The following MAEL variants were observed in gnomAD, a reference collection of about 807,000 sequenced individuals.
The protein encoded by MAEL is maelstrom spermatogenic transposon silencer.
In MAEL, 46 loss-of-function variants were observed where a neutral mutation model predicts 62.0. The ratio of observed to expected loss-of-function variants is 0.74; its 90% CI spans 0.59 to 0.95. The LOEUF (loss-of-function observed/expected upper bound fraction) is 0.95. Among genes scored for constraint, MAEL ranks in the 40% least tolerant of loss-of-function variants. The pLI is 0.00. For missense variants in MAEL, 497 were observed against 526.8 expected, an observed-to-expected ratio of 0.94 and a Z score of 0.55; for synonymous variants, 172 against 175.5, an observed-to-expected ratio of 0.98 and a Z score of 0.16.
intron 5 of MAEL, among the ~76,000 whole-genome samples, chr1:167,001,505 T>C (rs56321827): frequency 0.08 from 12,194 of 152,288 alleles, 1,137 homozygotes; most frequent in African/African-American, 0.23. Context: ...AGCAATAAAA[T>C]ATTTTTATAT....
chr1:166,992,894 A>T (rs529859793), intron 4 of MAEL, 53 bp downstream of exon 4: 71 of 1,295,736 alleles, frequency 5.5e-5, no homozygotes, highest in East Asian at 1.3e-4. Flanking sequence ...TTTTTTTTTT[A>T]AATCTTGACT....
intron 10 of MAEL, among the ~76,000 whole-genome samples, 164 bp downstream of exon 10, chr1:167,018,123 T>A (rs577860954): frequency 1.3e-5 from 2 of 152,288 alleles, no homozygotes; most frequent in East Asian, 3.9e-4. Flanking sequence ...AATCCAGTTG[T>A]GTCTTGTGTA....
intron 1 of MAEL, among the ~76,000 whole-genome samples, chr1:166,980,017 C>A (rs957363721): frequency 6.6e-6 from 1 of 151,778 alleles, no homozygotes; most frequent in Non-Finnish European, 1.5e-5. Context: ...TTATAATTGT[C>A]TTTCTTTCTT....
chr1:167,010,712 T>G (rs906588448), intron 8 of MAEL, among the ~76,000 whole-genome samples: 27 of 152,244 alleles, frequency 1.8e-4, no homozygotes, highest in African/African-American at 6.0e-4. Context: ...CCTTCCAAAT[T>G]GCTGGGATTA....
In MAEL at chr1:166,989,319, T is replaced by A. The variant is rs766093776; in HGVS notation, c.-34T>A. On this transcript the variant is annotated 5_prime_UTR_variant, in exon 1 of 12. Transcript: ENST00000367872. ...CCCGGCGAGGGCGCCGGTGCTTTGTTCTGTCTGAGGCCAGGAAGTTTGACC... is the reference window on the plus strand; with the variant it reads ...CCCGGCGAGGGCGCCGGTGCTTTGTACTGTCTGAGGCCAGGAAGTTTGACC... 6.2e-7 allele frequency: 1 copy of A among 1,600,036 alleles called. No individual in the cohort carries two copies. Among genetic ancestry groups the A allele is most frequent in the Non-Finnish European group, 8.5e-7 (1 of 1,173,152 alleles).
intron 10 of MAEL, 121 bp downstream of exon 10, chr1:167,018,080 T>C: frequency 1.1e-6 from 1 of 871,836 alleles, no homozygotes; most frequent in Non-Finnish European, 1.7e-6. Context: ...AAACATTATT[T>C]TGAAGTACTT....
intron 1 of MAEL, among the ~76,000 whole-genome samples, chr1:166,979,801 TG>T (rs1557966801): frequency 6.6e-6 from 1 of 152,164 alleles, no homozygotes; most frequent in East Asian, 1.9e-4. Flanking sequence ...TGCTCAACAG[TG>T]GGGGCAGCCC....
chr1:167,006,913 T>C (rs982819351), intron 8 of MAEL, among the ~76,000 whole-genome samples: 3 of 151,770 alleles, frequency 2.0e-5, no homozygotes, highest in African/African-American at 7.3e-5. Flanking sequence ...TGGGATTACA[T>C]GCGTGAGCCA....
intron 5 of MAEL, 56 bp downstream of exon 5, chr1:166,994,125 A>G: frequency 2.8e-6 from 4 of 1,437,836 alleles, no homozygotes; most frequent in Non-Finnish European, 3.8e-6. Context: ...ATACCTGGTT[A>G]GACTTATTCC....
chr1:167,021,767 A>G lies in MAEL; in HGVS notation c.1217A>G (p.Asn406Ser). The G allele has an allele frequency of 1.2e-6, 2 of 1,613,286 alleles. No individual in the cohort carries two copies. The highest frequency in any genetic ancestry group is 2.2e-5 in the South Asian group (2 of 91,032). ...GAGAGCATTTCCAATTCTTCCAGCA[A>G]TATCCACAAATTCTCCAACTGTGAC... The part of the protein sequence containing the change: ...LLESISNSSS[N>S]IHKFSNCDTS... Residue 406 changes from asparagine (N) to serine (S), a missense_variant, in exon 12 of 12, where the codon AAT (asparagine) becomes AGT (serine). Transcript: ENST00000367872.
At position 166,989,761 on chromosome 1, in the gene MAEL, A is replaced by G. The variant is rs758190186; in HGVS notation, c.157A>G (p.Lys53Glu). Reference protein sequence around the residue: ...WALLREEEKEKYAEMAREWRA... With the variant: ...WALLREEEKEEYAEMAREWRA... ...GCTTCTGAGGGAGGAAGAAAAGGAG[A>G]AATACGCAGAAATGGCTCGAGAATG... The change falls in exon 2 of 12, where the codon AAA becomes GAA. Residue 53 changes from lysine (K) to glutamate (E), a missense_variant. Transcript: ENST00000367872. 1 of 1,613,958 alleles carries G rather than the reference A, an allele frequency of 6.2e-7. No homozygotes were observed. The highest frequency in any genetic ancestry group is 8.5e-7 in the Non-Finnish European group (1 of 1,179,984).
intron 8 of MAEL, among the ~76,000 whole-genome samples, chr1:167,008,975 A>T (rs977475631): frequency 1.3e-5 from 2 of 151,878 alleles, no homozygotes; most frequent in African/African-American, 4.8e-5. Flanking sequence ...TATATAATCA[A>T]TTTTTGTGAC....
intron 3 of MAEL, 92 bp from the exon 4 acceptor site, chr1:166,992,592 TAA>T: frequency 1.1e-6 from 1 of 897,468 alleles, no homozygotes; most frequent in Non-Finnish European, 1.6e-6. Flanking sequence ...AAAATTGTTC[TAA>T]AACATTTTTT....
intron 5 of MAEL, among the ~76,000 whole-genome samples, chr1:167,000,147 G>A (rs1664599455): frequency 6.6e-6 from 1 of 152,096 alleles, no homozygotes; most frequent in African/African-American, 2.4e-5. Context: ...TAAGAAATAT[G>A]TTTTATAAGG....
At chr1:166,999,928 C>T (rs911361167) in intron 5 of MAEL, among the ~76,000 whole-genome samples, 12 of 151,802 alleles carry the variant, frequency 7.9e-5, no homozygotes, top group Non-Finnish European at 1.5e-4. Flanking sequence ...GCATGGTTTA[C>T]TGAATATTTT....
intron 5 of MAEL, among the ~76,000 whole-genome samples, chr1:167,002,076 G>A (rs186889548): frequency 1.1e-4 from 16 of 152,190 alleles, no homozygotes; most frequent in East Asian, 1.9e-4. Flanking sequence ...CCACTGTGCC[G>A]GCCTCATGTG....
intron 1 of MAEL, among the ~76,000 whole-genome samples, chr1:166,983,496 A>G (rs1452514275): frequency 6.6e-6 from 1 of 152,146 alleles, no homozygotes; most frequent in Non-Finnish European, 1.5e-5. Context: ...TTACATGGTC[A>G]ATTGCCTACT....
intron 5 of MAEL, among the ~76,000 whole-genome samples, chr1:166,995,390 C>A (rs1275363545): frequency 6.6e-6 from 1 of 152,054 alleles, no homozygotes; most frequent in East Asian, 1.9e-4. Flanking sequence ...CAGGCATGCA[C>A]CACCACACCC....
intron 1 of MAEL, among the ~76,000 whole-genome samples, chr1:166,978,245 A>G (rs563079916): frequency 6.6e-6 from 1 of 152,320 alleles, no homozygotes. Context: ...AGAGGTACAC[A>G]TGGTGTATCC....
Sources: allele counts gnomAD v4.1 joint callset (sites outside exome capture counted in the v4.1 genomes callset), GRCh38; gene constraint gnomAD v4.1.1; transcripts MANE v1.5; gene names NCBI Gene and HGNC (gene_info 2026-07-23, HGNC 2026-07-21).